Variants in OTOA observed in about 807,000 individuals in gnomAD.
OTOA encodes otoancorin, also known as cancer/testis antigen 108.
OTOA carries 70 observed loss-of-function variants against 110.8 expected under a neutral mutation model. The observed-to-expected ratio is 0.63, with a 90% CI of 0.52 to 0.77. The LOEUF is 0.77. OTOA is among the 30% of genes least tolerant of loss of function. OTOA has a pLI of 0.00. For missense variants in OTOA, 917 were observed against 1,075.8 expected, an observed-to-expected ratio of 0.85 and a Z score of 2.06; for synonymous variants, 373 against 431.5, an observed-to-expected ratio of 0.86 and a Z score of 1.68.
intron 13 of OTOA, among the ~76,000 whole-genome samples, chr16:21,714,460 C>CCT (rs374028184): frequency 0.019 from 2,625 of 138,018 alleles, 106 homozygotes; most frequent in African/African-American, 0.068. Flanking sequence ...CTCTCTCTCT[C>CCT]TTCTTTCTTT....
chr16:21,677,984 T>C (rs1025830529), intron 1 of OTOA, among the ~76,000 whole-genome samples: 1 of 152,096 alleles, frequency 6.6e-6, no homozygotes, highest in Non-Finnish European at 1.5e-5. Flanking sequence ...CCTCACAGAT[T>C]CAGGCACTTC....
intron 9 of OTOA, among the ~76,000 whole-genome samples, chr16:21,694,595 A>G (rs527291375): frequency 1.7e-4 from 26 of 152,284 alleles, no homozygotes; most frequent in South Asian, 1.0e-3. Flanking sequence ...GTGACATTTG[A>G]ATCAAGACCA....
chr16:21,678,601 G>T lies in OTOA; in HGVS notation c.87G>T (p.Arg29Ser). Residue 29 changes from arginine (R) to serine (S), a missense_variant, in exon 2 of 29, where the codon AGG becomes AGT. By Grantham distance (110) the Arg-to-Ser change is moderately radical. This residue lies in a region of OTOA where 840 missense variants were observed against 910.2 expected (regional missense o/e 0.92). Coordinates refer to ENST00000646100, the MANE Select transcript of OTOA (RefSeq NM_144672.4). ...GVSSYTVPNS[R>S]QDLHPLLQNM... ...CGAGTTATACAGTGCCAAATTCCAG[G>T]CAGGGTAAGTCCTGAGGGAAGAATC... is the stretch of plus-strand genomic sequence containing the variant. 6.2e-7 allele frequency: 1 copy of T among 1,613,330 alleles called. No individual in the cohort carries two copies.
At chr16:21,694,697 T>C (rs949125179) in intron 9 of OTOA, among the ~76,000 whole-genome samples, 1 of 152,118 alleles carries the variant, frequency 6.6e-6, no homozygotes, top group Admixed American at 6.6e-5. Context: ...GAGATGGGAA[T>C]GAGCTCGGTG....
At chr16:21,690,601 G>A (rs942363601) in intron 8 of OTOA, among the ~76,000 whole-genome samples, 2 of 151,926 alleles carry the variant, frequency 1.3e-5, no homozygotes, top group Admixed American at 6.6e-5. Flanking sequence ...TTATTGATGG[G>A]CATTTGGGTT....
chr16:21,677,181 G>A (rs947875839), intron 1 of OTOA, among the ~76,000 whole-genome samples: 3 of 152,096 alleles, frequency 2.0e-5, no homozygotes, highest in African/African-American at 7.2e-5. Context: ...GTGTAGACAT[G>A]TTTTCATTTC....
chr16:21,684,757 TTATTATTA>T (rs1304341599), intron 6 of OTOA, among the ~76,000 whole-genome samples: 3 of 69,436 alleles, frequency 4.3e-5, no homozygotes, highest in African/African-American at 1.3e-4. Flanking sequence ...ATTATTATTA[TTATTATTA>T]TTTTTTAGGT....
intron 17 of OTOA, among the ~76,000 whole-genome samples, chr16:21,722,676 G>A (rs1377241827): frequency 3.3e-5 from 5 of 152,094 alleles, no homozygotes; most frequent in African/African-American, 1.2e-4. Context: ...GCAGATATAA[G>A]CAAAATTGCG....
chr16:21,694,636 C>G (rs1897895985), intron 9 of OTOA, among the ~76,000 whole-genome samples: 1 of 152,012 alleles, frequency 6.6e-6, no homozygotes, highest in African/African-American at 2.4e-5. Context: ...TCACGTAAGG[C>G]TCTGGAGAAA....
intron 1 of OTOA, among the ~76,000 whole-genome samples, chr16:21,664,675 G>A (rs1429207368): frequency 1.3e-5 from 2 of 152,144 alleles, no homozygotes; most frequent in South Asian, 2.1e-4. Context: ...TTGTGTGGAA[G>A]AAATGGAAAA....
At position 21,700,976 on chromosome 16, in the gene OTOA, A is replaced by G. The variant is rs770619636; in HGVS notation, c.929A>G (p.Glu310Gly). The G allele has an allele frequency of 3.5e-5, 56 of 1,613,990 alleles. No individual in the cohort carries two copies. The highest frequency in any genetic ancestry group is 1.6e-4 in the Middle Eastern group (1 of 6,084). Residue 310 changes from glutamate to glycine, a missense_variant, in exon 11 of 29, where the codon GAG becomes GGG. Coordinates refer to ENST00000646100, the MANE Select transcript of OTOA (RefSeq NM_144672.4). The part of the protein sequence containing the change: ...ITPELAQAFL[E>G]RISSSNFNMR... ...CCTGAGCTGGCCCAGGCGTTTCTGGAGAGGATCAGCTCCTCCAACTTTAAC... is the reference window on the plus strand; with the variant it reads ...CCTGAGCTGGCCCAGGCGTTTCTGGGGAGGATCAGCTCCTCCAACTTTAAC...
At chr16:21,705,495 G>A (rs1898145416) in intron 12 of OTOA, 2 of 769,180 alleles carry the variant, frequency 2.6e-6, no homozygotes, top group South Asian at 3.6e-5. Context: ...AACAGACCCT[G>A]GGGAGATCAA....
Position 21,664,655 on chromosome 16 carries a change from C to T in OTOA, c.-5+423C>T, listed in dbSNP as rs1473876095. Among the ~76,000 whole-genome samples the T allele has an allele frequency of 2.0e-5, 3 of 151,912 alleles. No individual in the cohort carries two copies. The East Asian group carries it at 5.8e-4, about 29-fold the overall frequency. On this transcript the variant is annotated intron_variant, in intron 1 of 28. Transcript: ENST00000646100. ...ATTTTATGTATAAAGTAATGCCTACCTCATAACAGTTGTGTGGAAGAAATG... is the reference window on the plus strand; with the variant it reads ...ATTTTATGTATAAAGTAATGCCTACTTCATAACAGTTGTGTGGAAGAAATG...
intron 9 of OTOA, among the ~76,000 whole-genome samples, 158 bp from the exon 10 acceptor site, chr16:21,697,617 G>C (rs1004847652): frequency 6.6e-6 from 1 of 152,172 alleles, no homozygotes; most frequent in African/African-American, 2.4e-5. Flanking sequence ...AGGCAACAGA[G>C]TGAGATTCTG....
chr16:21,671,091 T>C lies in OTOA; in HGVS notation c.-5+6859T>C, dbSNP rs528325797. 2.0e-5 allele frequency among the ~76,000 whole-genome samples: 3 copies of C among 152,278 alleles called. No homozygotes were observed. In the East Asian group the frequency reaches 5.8e-4, roughly 29 times the overall value. ...CATGAGTTTATTGAGATGGTGTTTT[T>C]CAAAACAGCATCTGTTTGAAAACAG... On this transcript the variant is annotated intron_variant, in intron 1 of 28. Transcript: ENST00000646100.
intron 1 of OTOA, among the ~76,000 whole-genome samples, 198 bp downstream of exon 1, chr16:21,664,430 G>A (rs368830042): frequency 7.9e-5 from 12 of 152,134 alleles, no homozygotes; most frequent in Non-Finnish European, 1.5e-4. Flanking sequence ...GCACTTGGAG[G>A]GGGGGGACGA....
At chr16:21,707,653 CTTTCTCTTTCTTTCTCTT>C (rs1567379597) in intron 12 of OTOA, among the ~76,000 whole-genome samples, 3 of 108,956 alleles carry the variant, frequency 2.8e-5, no homozygotes, top group African/African-American at 9.1e-5. Context: ...TTCTTTCTTT[CTTTCTCTTTCTTTCTCTT>C]TCTGTCTCTC....
At chr16:21,691,449 C>G in intron 8 of OTOA, 135 bp from the exon 9 acceptor site, 2 of 728,970 alleles carry the variant, frequency 2.7e-6, no homozygotes, top group Non-Finnish European at 4.9e-6. Context: ...AAAAGCGTTT[C>G]TATTTCTCCA....
intron 1 of OTOA, among the ~76,000 whole-genome samples, chr16:21,677,378 G>A (rs532421326): frequency 2.6e-5 from 4 of 151,658 alleles, no homozygotes; most frequent in East Asian, 3.9e-4. Context: ...TAGTGGTCTC[G>A]TTGTGAGTTT....
Sources: gnomAD v4.1 joint callset for allele counts (sites outside exome capture counted in the v4.1 genomes callset) on GRCh38, gnomAD v4.1.1 for gene constraint, gnomAD v4.1.1 regional missense constraint, MANE v1.5 for transcripts, NCBI Gene and HGNC (gene_info 2026-07-23, HGNC 2026-07-21) for gene names.